NDST4: variants seen among roughly 807,000 people sequenced by gnomAD.
The protein encoded by NDST4 is N-deacetylase and N-sulfotransferase 4.
In NDST4, 63 loss-of-function variants were observed where a neutral mutation model predicts 100.8. The observed-to-expected ratio is 0.62, with a 90% CI of 0.51 to 0.77. The LOEUF is 0.77. Among genes scored for constraint, NDST4 ranks in the 30% least tolerant of loss-of-function variants. The pLI is 0.00. For synonymous variants in NDST4, 377 were observed against 361.8 expected, an observed-to-expected ratio of 1.04 and a Z score of -0.48; for missense variants, 943 against 1,018.4, an observed-to-expected ratio of 0.93 and a Z score of 1.01.
chr4:115,042,670 C>A (rs755186548), intron 2 of NDST4, among the ~76,000 whole-genome samples: 2 of 151,890 alleles, frequency 1.3e-5, no homozygotes, highest in Non-Finnish European at 2.9e-5. Flanking sequence ...TCAGTACTAT[C>A]CAAGGTTTAA....
chr4:114,858,635 A>G (rs1030995519), intron 7 of NDST4, among the ~76,000 whole-genome samples: 8 of 152,220 alleles, frequency 5.3e-5, no homozygotes, highest in Non-Finnish European at 7.3e-5. Context: ...TATATCACCA[A>G]CAGGTGCCTC....
chr4:114,963,157 A>G (rs79576172), intron 4 of NDST4, among the ~76,000 whole-genome samples: 4,767 of 152,224 alleles, frequency 0.031, 259 homozygotes, highest in African/African-American at 0.11. Flanking sequence ...AACAACCCCA[A>G]AACAACCCAA....
At chr4:114,880,469 C>T (rs975693497) in intron 6 of NDST4, among the ~76,000 whole-genome samples, 10 of 152,156 alleles carry the variant, frequency 6.6e-5, no homozygotes, top group African/African-American at 2.2e-4. Flanking sequence ...ATTCATAACC[C>T]CAGGAATAAT....
chr4:115,069,440 C>T (rs1187330830), intron 2 of NDST4, among the ~76,000 whole-genome samples: 2 of 152,010 alleles, frequency 1.3e-5, no homozygotes, highest in Non-Finnish European at 2.9e-5. Flanking sequence ...CTATAAGGAA[C>T]TTAAGCAAAT....
At chr4:115,091,087 T>A (rs1315751132) in intron 1 of NDST4, among the ~76,000 whole-genome samples, 1 of 152,100 alleles carries the variant, frequency 6.6e-6, no homozygotes, top group East Asian at 1.9e-4. Context: ...TTTTAAGGTC[T>A]AAATCTTTTT....
chr4:114,923,653 G>A (rs950381886), intron 6 of NDST4, among the ~76,000 whole-genome samples: 6 of 151,804 alleles, frequency 4.0e-5, no homozygotes, highest in Admixed American at 1.3e-4. Context: ...TGAATTCACT[G>A]ATAATGTTTG....
chr4:114,989,636 A>C (rs1295454699), intron 2 of NDST4, among the ~76,000 whole-genome samples: 1 of 152,170 alleles, frequency 6.6e-6, no homozygotes, highest in Admixed American at 6.6e-5. Context: ...CTGTATGAAG[A>C]ATTGCCTGGG....
chr4:114,868,944 T>TTATATATA lies in NDST4; in HGVS notation c.1719+1816_1719+1823dup, dbSNP rs3077771. Among the ~76,000 whole-genome samples the TTATATATA allele has an allele frequency of 2.9e-3, 414 of 143,618 alleles. 4 individuals are homozygous for TTATATATA. Among genetic ancestry groups the TTATATATA allele is most frequent in the African/African-American group, 9.3e-3 (374 of 40,168 alleles). 94.2% of individuals were successfully genotyped at this position (143,618 alleles called of 152,430 possible). A position where few individuals can be genotyped will look rare whatever the true frequency, so the allele number is the denominator to read the frequency against. On this transcript the variant is annotated intron_variant, in intron 7 of 13. Coordinates refer to ENST00000264363, the MANE Select transcript of NDST4 (RefSeq NM_022569.3). ...AATTAAAATTATCAGCACTTGCAAA[T>TTATATATA]TATATATATATATATATATATATTT...
intron 6 of NDST4, among the ~76,000 whole-genome samples, chr4:114,930,658 C>T (rs1339231172): frequency 5.3e-5 from 8 of 152,064 alleles, no homozygotes; most frequent in African/African-American, 1.9e-4. Context: ...AGCCTTTCTT[C>T]CATGAAACAA....
chr4:115,041,656 T>C (rs1486091625), intron 2 of NDST4, among the ~76,000 whole-genome samples: 1 of 152,122 alleles, frequency 6.6e-6, no homozygotes, highest in Non-Finnish European at 1.5e-5. Flanking sequence ...CACAGACCTT[T>C]GATATCTTTC....
At chr4:114,924,595 T>C (rs1212407318) in intron 6 of NDST4, among the ~76,000 whole-genome samples, 1 of 152,086 alleles carries the variant, frequency 6.6e-6, no homozygotes, top group Non-Finnish European at 1.5e-5. Context: ...CCCAATAACA[T>C]TAATTGCTTC....
intron 1 of NDST4, among the ~76,000 whole-genome samples, chr4:115,086,252 A>G (rs1213857706): frequency 1.3e-5 from 2 of 152,154 alleles, no homozygotes; most frequent in Non-Finnish European, 2.9e-5. Flanking sequence ...AGGCCAAAAA[A>G]TATTATGATA....
chr4:114,917,801 T>C (rs1725205745), intron 6 of NDST4, among the ~76,000 whole-genome samples: 1 of 152,212 alleles, frequency 6.6e-6, no homozygotes, highest in South Asian at 2.1e-4. Context: ...TTAACTTCTC[T>C]GAATAGTTTC....
chr4:115,046,803 T>A (rs1560579302), intron 2 of NDST4, among the ~76,000 whole-genome samples: 1 of 152,166 alleles, frequency 6.6e-6, no homozygotes, highest in Admixed American at 6.5e-5. Flanking sequence ...ATATCTTCTA[T>A]CTCTGAAATA....
intron 2 of NDST4, among the ~76,000 whole-genome samples, chr4:115,004,370 C>T (rs1420727931): frequency 2.0e-5 from 3 of 152,080 alleles, no homozygotes; most frequent in Non-Finnish European, 4.4e-5. Context: ...AGGAAAGGTA[C>T]AGGCTTGCAA....
intron 6 of NDST4, among the ~76,000 whole-genome samples, chr4:114,900,094 C>T (rs1375815480): frequency 1.3e-5 from 2 of 152,084 alleles, no homozygotes; most frequent in Non-Finnish European, 2.9e-5. Flanking sequence ...CCCCATTTTA[C>T]TTATGTTATC....
chr4:114,919,814 G>A (rs1259604025), intron 6 of NDST4, among the ~76,000 whole-genome samples: 1 of 152,204 alleles, frequency 6.6e-6, no homozygotes, highest in Non-Finnish European at 1.5e-5. Context: ...AGAGAAAACA[G>A]ATGCCTTGTC....
intron 2 of NDST4, among the ~76,000 whole-genome samples, chr4:115,019,800 A>G (rs10026976): frequency 0.085 from 12,898 of 152,028 alleles, 1,791 homozygotes; most frequent in African/African-American, 0.29. Context: ...AATGAGTTGC[A>G]GATAAAAGGA....
At chr4:114,952,051 T>C (rs1726000926) in intron 4 of NDST4, among the ~76,000 whole-genome samples, 1 of 152,164 alleles carries the variant, frequency 6.6e-6, no homozygotes, top group Non-Finnish European at 1.5e-5. Flanking sequence ...TATAGGTATT[T>C]GAAAAGAATT....
Sources: allele counts gnomAD v4.1 joint callset (sites outside exome capture counted in the v4.1 genomes callset), GRCh38; gene constraint gnomAD v4.1.1; transcripts MANE v1.5; gene names NCBI Gene and HGNC (gene_info 2026-07-23, HGNC 2026-07-21).